Variants in RASA2 observed in about 807,000 individuals in gnomAD.
The protein encoded by RASA2 is ras GTPase-activating protein 2.
In RASA2, 155 loss-of-function variants were observed where a neutral mutation model predicts 118.2. That is an observed-to-expected ratio of 1.31 (90% CI 1.15 to 1.50). RASA2 has a LOEUF of 1.50. RASA2 is among the 40% of genes most tolerant of loss of function. RASA2 has a pLI of 0.00. For synonymous variants in RASA2, 353 were observed against 349.1 expected, an observed-to-expected ratio of 1.01 and a Z score of -0.12; for missense variants, 1,016 against 1,009.6, an observed-to-expected ratio of 1.01 and a Z score of -0.09.
chr3:141,610,148 G>C (rs768385554), intron 23 of RASA2, 82 bp downstream of exon 23: 44 of 1,208,220 alleles, frequency 3.6e-5, no homozygotes, highest in Admixed American at 1.9e-4. Flanking sequence ...CACACCTCCT[G>C]CTCACCCACA....
intron 7 of RASA2, among the ~76,000 whole-genome samples, chr3:141,556,270 A>C (rs1035178361): frequency 8.5e-5 from 13 of 152,198 alleles, no homozygotes; most frequent in Non-Finnish European, 1.6e-4. Flanking sequence ...TAGTGAAGTA[A>C]GTGTAATTAT....
intron 5 of RASA2, among the ~76,000 whole-genome samples, chr3:141,551,535 T>C (rs932342428): frequency 2.6e-5 from 4 of 152,210 alleles, no homozygotes; most frequent in African/African-American, 9.7e-5. Flanking sequence ...TTTCTTCCCT[T>C]TAGTACTCTG....
chr3:141,610,132 C>A (rs1190381967), intron 23 of RASA2, 66 bp downstream of exon 23: 2 of 1,331,198 alleles, frequency 1.5e-6, no homozygotes, highest in Non-Finnish European at 2.0e-6. Flanking sequence ...TCTCCTGCCC[C>A]AACCTCACAC....
intron 21 of RASA2, 150 bp from the exon 22 acceptor site, chr3:141,609,270 T>C (rs1186782546): frequency 1.9e-5 from 9 of 483,288 alleles, no homozygotes; most frequent in Non-Finnish European, 3.2e-5. Context: ...TTGGCCCCAC[T>C]TTATTTTAAC....
intron 19 of RASA2, among the ~76,000 whole-genome samples, chr3:141,598,707 A>T (rs987658196): frequency 5.9e-5 from 9 of 152,204 alleles, no homozygotes; most frequent in African/African-American, 2.2e-4. Context: ...ACAAGTTGCA[A>T]ACTGTTAGAA....
intron 5 of RASA2, among the ~76,000 whole-genome samples, chr3:141,543,544 A>G (rs1026976514): frequency 6.6e-6 from 1 of 151,770 alleles, no homozygotes. Flanking sequence ...TCCTTCTGTG[A>G]TTAAGTGTAT....
At chr3:141,603,823 A>T (rs1413513223) in intron 19 of RASA2, among the ~76,000 whole-genome samples, 1 of 152,202 alleles carries the variant, frequency 6.6e-6, no homozygotes, top group Non-Finnish European at 1.5e-5. Flanking sequence ...TAGACATTTC[A>T]TGTACATGGA....
chr3:141,549,987 G>T (rs2082548837), intron 5 of RASA2, among the ~76,000 whole-genome samples: 1 of 152,070 alleles, frequency 6.6e-6, no homozygotes, highest in Non-Finnish European at 1.5e-5. Context: ...AGCGAATACT[G>T]GTACAAATAA....
chr3:141,515,681 T>C (rs13069717), intron 2 of RASA2, among the ~76,000 whole-genome samples: 64,984 of 151,410 alleles, frequency 0.43, 14,328 homozygotes, highest in African/African-American at 0.53. Flanking sequence ...GCGGGTGGAT[T>C]GCAAGGTCAA....
chr3:141,580,815 A>T lies in RASA2; in HGVS notation c.1675-285A>T, dbSNP rs1424314693. Among the ~76,000 whole-genome samples the T allele has an allele frequency of 3.9e-5, 6 of 151,950 alleles. No individual in the cohort carries two copies. In the South Asian group the frequency reaches 8.3e-4, roughly 21 times the overall value. On this transcript the variant is annotated intron_variant, in intron 16 of 23. Coordinates refer to ENST00000286364, the MANE Select transcript of RASA2 (RefSeq NM_006506.5). Reference sequence around the variant, plus strand: ...CTCTAGAAGTTTTAAAAAGAAAAAAAGTTTAATGAGAACATTAAAAAAAAA... The same window carrying T: ...CTCTAGAAGTTTTAAAAAGAAAAAATGTTTAATGAGAACATTAAAAAAAAA...
intron 7 of RASA2, among the ~76,000 whole-genome samples, chr3:141,558,450 GT>G (rs1317002664): frequency 6.6e-6 from 1 of 152,132 alleles, no homozygotes; most frequent in Non-Finnish European, 1.5e-5. Context: ...ATCAAGGGAG[GT>G]AAGAACTGAG....
chr3:141,532,804 G>A (rs1228185103), intron 4 of RASA2, among the ~76,000 whole-genome samples: 1 of 152,032 alleles, frequency 6.6e-6, no homozygotes, highest in Non-Finnish European at 1.5e-5. Context: ...AATAGATACT[G>A]CAAGTGGCAC....
In RASA2 at chr3:141,487,222, C is replaced by A. The variant is rs745886458; in HGVS notation, c.133+6C>A. ...GAGCCTGCGGGGCAAGATCTGTAAG[C>A]GGGGGCTGGGCTGAGGGGACGCCCT... On this transcript the variant is annotated splice_donor_region_variant and intron_variant, in intron 1 of 23. Transcript: ENST00000286364. 9.3e-6 allele frequency: 13 copies of A among 1,404,264 alleles called. No homozygotes were observed. Among genetic ancestry groups the A allele is most frequent in the Non-Finnish European group, 1.2e-5 (13 of 1,066,404 alleles). 87.0% of individuals were successfully genotyped at this position (1,404,264 alleles called of 1,614,324 possible).
At chr3:141,539,477 A>G (rs1260247545) in intron 4 of RASA2, among the ~76,000 whole-genome samples, 5 of 152,148 alleles carry the variant, frequency 3.3e-5, no homozygotes, top group Non-Finnish European at 7.4e-5. Context: ...AAGTCCCCTT[A>G]AAATAGTGAG....
chr3:141,487,055 C>A lies in RASA2; in HGVS notation c.-29C>A. The A allele has an allele frequency of 8.2e-7, 1 of 1,222,994 alleles. No homozygotes were observed. The highest frequency in any genetic ancestry group is 1.0e-6 in the Non-Finnish European group (1 of 976,724). The allele number at this position is 1,222,994 out of a possible 1,614,324, so 75.8% of individuals were successfully genotyped here. A position where few individuals can be genotyped will look rare whatever the true frequency, so the allele number is the denominator to read the frequency against. ...CCGCCTCGCCCGGCTACGCAGGCGG[C>A]AGGGCTGCGGCACGGGCCGGGCGGC... On this transcript the variant is annotated 5_prime_UTR_variant, in exon 1 of 24. Transcript: ENST00000286364.
chr3:141,488,972 G>A (rs2081609293), intron 1 of RASA2, among the ~76,000 whole-genome samples: 1 of 152,098 alleles, frequency 6.6e-6, no homozygotes, highest in African/African-American at 2.4e-5. Flanking sequence ...CTGTGCTTTT[G>A]TCTGCCCCAT....
chr3:141,583,002 G>C (rs2083140714), intron 17 of RASA2, among the ~76,000 whole-genome samples: 1 of 152,196 alleles, frequency 6.6e-6, no homozygotes, highest in Admixed American at 6.5e-5. Flanking sequence ...TGATAGGAAT[G>C]GTCCTGATAG....
At chr3:141,504,069 A>G (rs995440467) in intron 1 of RASA2, among the ~76,000 whole-genome samples, 1 of 152,200 alleles carries the variant, frequency 6.6e-6, no homozygotes, top group Non-Finnish European at 1.5e-5. Context: ...CTGTTTCATT[A>G]TATATTTTAT....
At chr3:141,496,303 C>A (rs1419255652) in intron 1 of RASA2, among the ~76,000 whole-genome samples, 7 of 152,174 alleles carry the variant, frequency 4.6e-5, no homozygotes, top group East Asian at 3.9e-4. Context: ...GCAACAAAAG[C>A]CAAAATTGAC....
Sources: gnomAD v4.1 joint callset for allele counts (sites outside exome capture counted in the v4.1 genomes callset) on GRCh38, gnomAD v4.1.1 for gene constraint, MANE v1.5 for transcripts, NCBI Gene and HGNC (gene_info 2026-07-23, HGNC 2026-07-21) for gene names.